Variants in SSMEM1 observed in about 807,000 individuals in gnomAD.
The protein encoded by SSMEM1 is serine rich single-pass membrane protein 1, also known as serine-rich single-pass membrane protein 1.
A neutral mutation model predicts 9.9 loss-of-function variants in SSMEM1; 12 were observed. The observed-to-expected ratio is 1.21, with a 90% CI of 0.78 to 1.96. SSMEM1 has a LOEUF of 1.96. SSMEM1 is among the 30% of genes most tolerant of loss of function. SSMEM1 has a pLI of 0.00. For missense variants in SSMEM1, 259 were observed against 292.2 expected (o/e 0.89, Z 0.83); for synonymous variants, 96 against 98.9 (o/e 0.97, Z 0.17).
rs1280768316 is a variant in SSMEM1, at chr7:130,216,166, A to G, written c.431A>G (p.Asp144Gly). Reference sequence around the variant, plus strand: ...AATGAGGTGAACCAGAACCAACATGACAGTGATACTACGGAGTATGGCAGT... The same window carrying G: ...AATGAGGTGAACCAGAACCAACATGGCAGTGATACTACGGAGTATGGCAGT... Reference protein sequence around the residue: ...QFNEVNQNQHDSDTTEYGSEE... With the variant: ...QFNEVNQNQHGSDTTEYGSEE... The change falls in exon 3 of 3, where the codon GAC (aspartate) becomes GGC (glycine). Residue 144 changes from aspartate (D) to glycine (G), a missense_variant. By Grantham distance (94) the Asp-to-Gly change is moderately conservative. Coordinates refer to ENST00000297819, the MANE Select transcript of SSMEM1 (RefSeq NM_145268.4). 6.2e-7 allele frequency: 1 copy of G among 1,614,104 alleles called. No homozygotes were observed. Among genetic ancestry groups the G allele is most frequent in the African/African-American group, 1.3e-5 (1 of 74,928 alleles).
At chr7:130,211,487 G>A (rs920598267) in intron 1 of SSMEM1, among the ~76,000 whole-genome samples, 2 of 152,032 alleles carry the variant, frequency 1.3e-5, no homozygotes, top group African/African-American at 2.4e-5. Context: ...AGTGAACTCC[G>A]CTTTCAAGAT....
At chr7:130,208,136 C>T (rs932870718) in intron 1 of SSMEM1, 43 bp downstream of exon 1, 11 of 1,510,640 alleles carry the variant, frequency 7.3e-6, no homozygotes, top group Middle Eastern at 3.5e-4. Context: ...GTTTACTGTA[C>T]ACTAGGAAAA....
chr7:130,214,639 G>A (rs1798668837), intron 2 of SSMEM1, among the ~76,000 whole-genome samples: 1 of 152,158 alleles, frequency 6.6e-6, no homozygotes, highest in Non-Finnish European at 1.5e-5. Context: ...GTTAAGGAGT[G>A]AGATGAAAAT....
chr7:130,215,893 C>T, intron 2 of SSMEM1, 81 bp from the exon 3 acceptor site: 1 of 1,538,410 alleles, frequency 6.5e-7, no homozygotes, highest in Non-Finnish European at 8.8e-7. Context: ...AGTGAGCTCA[C>T]ACGTGCACAG....
At chr7:130,206,611 A>G (rs570011955), upstream of SSMEM1, among the ~76,000 whole-genome samples, 1 of 152,358 alleles carries the variant, frequency 6.6e-6, no homozygotes, top group African/African-American at 2.4e-5. Context: ...TTTAGCAGCA[A>G]TGTTGTTTTG....
chr7:130,205,536 G>T, upstream of SSMEM1: 1 of 1,128,630 alleles, frequency 8.9e-7, no homozygotes, highest in Non-Finnish European at 1.3e-6. Context: ...GGCGCTCGGA[G>T]CGTTACCAGG....
chr7:130,209,736 C>T (rs866114136), intron 1 of SSMEM1, among the ~76,000 whole-genome samples: 12 of 152,188 alleles, frequency 7.9e-5, no homozygotes, highest in South Asian at 2.1e-4. Context: ...TGCATCTCCA[C>T]GCGCAGCTAA....
At chr7:130,207,631 G>T, upstream of SSMEM1, 1 of 473,318 alleles carries the variant, frequency 2.1e-6, no homozygotes, top group Non-Finnish European at 3.9e-6. Context: ...CGTGAAGATA[G>T]GAAAATATAG....
upstream of SSMEM1, chr7:130,207,723 G>A: frequency 1.4e-6 from 1 of 707,276 alleles, no homozygotes; most frequent in Non-Finnish European, 2.6e-6. Context: ...ACATTCAGAG[G>A]AGTAATTTGA....
chr7:130,206,279 T>C (rs1584708079), upstream of SSMEM1, among the ~76,000 whole-genome samples: 1 of 151,566 alleles, frequency 6.6e-6, no homozygotes, highest in Non-Finnish European at 1.5e-5. Flanking sequence ...TGCATTTCGG[T>C]GGCAGGTGAG....
chr7:130,213,712 A>AAAG (rs1184352964), intron 2 of SSMEM1, among the ~76,000 whole-genome samples, 178 bp downstream of exon 2: 4 of 147,462 alleles, frequency 2.7e-5, no homozygotes, highest in African/African-American at 7.4e-5. Flanking sequence ...AAAAAAAAAA[A>AAAG]AAGAAAAGAA....
In SSMEM1 at chr7:130,216,196, A is replaced by C. The variant is rs144099660; in HGVS notation, c.461A>C (p.Glu154Ala). The C allele has an allele frequency of 3.7e-6, 6 of 1,614,076 alleles. No individual in the cohort carries two copies. In the African/African-American group the frequency reaches 8.0e-5, roughly 22 times the overall value. ...GATACTACGGAGTATGGCAGTGAAG[A>C]GTCTAACTCAGAAGCCTCCTCGTGG... ...DSDTTEYGSE[E>A]SNSEASSWKE... is the part of the protein sequence containing the mutation. Residue 154 changes from glutamate to alanine, a missense_variant, in exon 3 of 3, where the codon GAG (glutamate) becomes GCG (alanine). Physicochemically the swap from Glu to Ala is moderately radical, Grantham distance 107. Transcript: ENST00000297819.
At chr7:130,205,543 C>G (rs1476565355), upstream of SSMEM1, 4 of 1,023,338 alleles carry the variant, frequency 3.9e-6, no homozygotes, top group Admixed American at 7.9e-5. Context: ...GGAGCGTTAC[C>G]AGGGAAACAG....
chr7:130,208,751 C>G (rs1177776200), intron 1 of SSMEM1, among the ~76,000 whole-genome samples: 1 of 152,142 alleles, frequency 6.6e-6, no homozygotes, highest in Non-Finnish European at 1.5e-5. Flanking sequence ...ACAGAATAAG[C>G]AGAACTAGAC....
At chr7:130,215,834 A>G (rs1264389266) in intron 2 of SSMEM1, 140 bp from the exon 3 acceptor site, 19 of 1,118,018 alleles carry the variant, frequency 1.7e-5, no homozygotes, top group Non-Finnish European at 2.0e-5. Context: ...AGCTGCCAAC[A>G]CTTGCAGGTG....
chr7:130,214,109 C>T (rs767853317), intron 2 of SSMEM1, among the ~76,000 whole-genome samples: 10 of 152,218 alleles, frequency 6.6e-5, no homozygotes, highest in Admixed American at 2.0e-4. Context: ...TCCAAAACTC[C>T]TGTGTGTACA....
chr7:130,213,615 C>A, intron 2 of SSMEM1, 81 bp downstream of exon 2: 1 of 1,151,932 alleles, frequency 8.7e-7, no homozygotes, highest in Non-Finnish European at 1.2e-6. Context: ...CCCAGCTACT[C>A]AGAAGGCTGA....
chr7:130,216,178 C>T lies in SSMEM1; in HGVS notation c.443C>T (p.Thr148Met), dbSNP rs369782854. The T allele has an allele frequency of 2.7e-5, 44 of 1,614,156 alleles. No homozygotes were observed. The East Asian group carries it at 4.9e-4, about 18-fold the overall frequency. ...CAGAACCAACATGACAGTGATACTA[C>T]GGAGTATGGCAGTGAAGAGTCTAAC... is the stretch of plus-strand genomic sequence containing the variant. Reference protein sequence around the residue: ...VNQNQHDSDTTEYGSEESNSE... With the variant: ...VNQNQHDSDTMEYGSEESNSE... The change falls in exon 3 of 3, where the codon ACG becomes ATG. Residue 148 changes from threonine to methionine, a missense_variant. Coordinates refer to ENST00000297819, the MANE Select transcript of SSMEM1 (RefSeq NM_145268.4).
In SSMEM1 at chr7:130,216,451, A is replaced by C; in HGVS notation, c.716A>C (p.Lys239Thr). Residue 239 changes from lysine (K) to threonine (T), a missense_variant, in exon 3 of 3, where the codon AAG (lysine) becomes ACG (threonine). By Grantham distance (78) the Lys-to-Thr change is moderately conservative. Coordinates refer to ENST00000297819, the MANE Select transcript of SSMEM1 (RefSeq NM_145268.4). ...GAAAGTTCCATATCTGACATTAACA[A>C]GAAATTTAGTAAATTTTGAATTTTA... ...QEESSISDIN[K>T]KFSKF 3.1e-6 allele frequency: 5 copies of C among 1,608,840 alleles called. No homozygotes were observed. The East Asian group carries it at 1.1e-4, about 36-fold the overall frequency.
Sources: allele counts gnomAD v4.1 joint callset (sites outside exome capture counted in the v4.1 genomes callset), GRCh38; gene constraint gnomAD v4.1.1; transcripts MANE v1.5; gene names NCBI Gene and HGNC (gene_info 2026-07-23, HGNC 2026-07-21).